Variants in HTR7 observed in about 807,000 individuals in gnomAD.
The protein encoded by HTR7 is 5-hydroxytryptamine receptor 7, also known as 5-HT-7.
A neutral mutation model predicts 34.0 loss-of-function variants in HTR7; 16 were observed. The observed-to-expected ratio is 0.47, with a 90% confidence interval of 0.32 to 0.71. The LOEUF is 0.71. Among genes scored for constraint, HTR7 ranks in the 30% least tolerant of loss-of-function variants. The pLI is 0.04. For synonymous variants in HTR7, 265 were observed against 260.2 expected (o/e 1.02, Z -0.18); for missense variants, 504 against 625.5 (o/e 0.81, Z 2.07).
chr10:90,759,460 C>A (rs1473763353), intron 1 of HTR7, among the ~76,000 whole-genome samples: 2 of 149,806 alleles, frequency 1.3e-5, no homozygotes, highest in African/African-American at 4.9e-5. Context: ...TCGAGACCAT[C>A]CTGGCTAACA....
At chr10:90,839,974 T>C (rs1385729829) in intron 1 of HTR7, among the ~76,000 whole-genome samples, 1 of 151,904 alleles carries the variant, frequency 6.6e-6, no homozygotes, top group Non-Finnish European at 1.5e-5. Flanking sequence ...CTAGATAACA[T>C]GTTAAGGATG....
chr10:90,794,719 T>C (rs118001098), intron 1 of HTR7, among the ~76,000 whole-genome samples: 1,703 of 152,192 alleles, frequency 0.011, 16 homozygotes, highest in Non-Finnish European at 0.016. Context: ...CCTAAGCTGA[T>C]CTCAAACTCC....
intron 1 of HTR7, among the ~76,000 whole-genome samples, chr10:90,823,818 C>G (rs1846025488): frequency 1.3e-5 from 2 of 152,092 alleles, no homozygotes; most frequent in South Asian, 4.1e-4. Context: ...CTCATGAGAT[C>G]CAGTTGTTTG....
chr10:90,817,451 T>A (rs1385501244), intron 1 of HTR7, among the ~76,000 whole-genome samples: 1 of 152,232 alleles, frequency 6.6e-6, no homozygotes, highest in Non-Finnish European at 1.5e-5. Flanking sequence ...CACCCTTCCC[T>A]GAGACATATG....
chr10:90,809,616 A>T (rs1845768894), intron 1 of HTR7, among the ~76,000 whole-genome samples: 2 of 151,996 alleles, frequency 1.3e-5, no homozygotes, highest in South Asian at 2.1e-4. Flanking sequence ...CCCAGCCACA[A>T]CTCCAGCACA....
At chr10:90,846,141 T>C (rs1380791340) in intron 1 of HTR7, among the ~76,000 whole-genome samples, 3 of 152,238 alleles carry the variant, frequency 2.0e-5, no homozygotes, top group Admixed American at 6.5e-5. Flanking sequence ...TAAAATATCT[T>C]GAGGATGGGA....
chr10:90,770,465 G>C (rs1211409818), intron 1 of HTR7, among the ~76,000 whole-genome samples: 6 of 152,136 alleles, frequency 3.9e-5, no homozygotes, highest in African/African-American at 1.4e-4. Context: ...ACAGGACCTG[G>C]GGTCTCTGAC....
intron 1 of HTR7, among the ~76,000 whole-genome samples, chr10:90,816,366 C>A (rs1845899120): frequency 6.6e-6 from 1 of 152,136 alleles, no homozygotes; most frequent in African/African-American, 2.4e-5. Flanking sequence ...ATAAATTGGC[C>A]ATACTATCAT....
At chr10:90,818,038 A>G (rs1845923287) in intron 1 of HTR7, among the ~76,000 whole-genome samples, 1 of 152,236 alleles carries the variant, frequency 6.6e-6, no homozygotes, top group African/African-American at 2.4e-5. Flanking sequence ...GCCTGGAACT[A>G]GAGGACAGAA....
rs564127793 is a variant in HTR7, at chr10:90,767,089, G to A, written c.540-17495C>T. ...ACAAGCTGTGCTCAGCAATTGGGAA[G>A]AGCCTTAGGCTGGACTCCATGGCCA... On this transcript the variant is annotated intron_variant, in intron 1 of 3. Coordinates refer to ENST00000336152, the MANE Select transcript of HTR7 (RefSeq NM_019859.4). Among the ~76,000 whole-genome samples, 151 of 152,266 alleles carry A rather than the reference G, an allele frequency of 9.9e-4. 1 individual carries two copies. Among genetic ancestry groups the A allele is most frequent in the African/African-American group, 3.4e-3 (140 of 41,552 alleles).
intron 1 of HTR7, among the ~76,000 whole-genome samples, chr10:90,836,444 G>C (rs570756546): frequency 6.6e-6 from 1 of 152,126 alleles, no homozygotes; most frequent in Admixed American, 6.5e-5. Context: ...TAACAATGCT[G>C]CCTGTCAGTG....
chr10:90,843,567 C>T (rs1189720121), intron 1 of HTR7, among the ~76,000 whole-genome samples: 4 of 151,974 alleles, frequency 2.6e-5, no homozygotes, highest in Non-Finnish European at 5.9e-5. Flanking sequence ...TGTGTGAAGA[C>T]CCAGTGTCAA....
At chr10:90,752,633 C>A (rs936555436) in intron 1 of HTR7, among the ~76,000 whole-genome samples, 1 of 151,274 alleles carries the variant, frequency 6.6e-6, no homozygotes, top group Non-Finnish European at 1.5e-5. Flanking sequence ...AGTATAAAGC[C>A]ACAGAAATAA....
At chr10:90,787,265 G>A (rs970855214) in intron 1 of HTR7, among the ~76,000 whole-genome samples, 29 of 152,268 alleles carry the variant, frequency 1.9e-4, no homozygotes, top group Middle Eastern at 3.4e-3. Flanking sequence ...CAAGGTGGGT[G>A]GATCACAAGG....
intron 1 of HTR7, among the ~76,000 whole-genome samples, chr10:90,817,431 A>G (rs1346497878): frequency 6.6e-6 from 1 of 152,224 alleles, no homozygotes; most frequent in Admixed American, 6.5e-5. Context: ...GATGAGATTA[A>G]TCATTCCTTC....
At chr10:90,750,975 T>G (rs1451029315) in intron 1 of HTR7, among the ~76,000 whole-genome samples, 2 of 152,170 alleles carry the variant, frequency 1.3e-5, no homozygotes, top group Non-Finnish European at 2.9e-5. Context: ...AAATCCTGCG[T>G]GCAGGCAAAT....
intron 1 of HTR7, among the ~76,000 whole-genome samples, chr10:90,760,749 T>C (rs1295163635): frequency 1.3e-5 from 2 of 152,028 alleles, no homozygotes; most frequent in Admixed American, 1.3e-4. Context: ...GGCGTGGTGG[T>C]GGGCATCTGT....
intron 1 of HTR7, among the ~76,000 whole-genome samples, chr10:90,761,623 TGTGTGTATGC>T (rs1211846667): frequency 7.9e-6 from 1 of 127,162 alleles, no homozygotes; most frequent in Non-Finnish European, 1.6e-5. Flanking sequence ...GTTACCATTT[TGTGTGTATGC>T]GTGTGTGTGT....
chr10:90,804,525 C>T (rs2119936782), intron 1 of HTR7, among the ~76,000 whole-genome samples: 1 of 152,308 alleles, frequency 6.6e-6, no homozygotes, highest in South Asian at 2.1e-4. Flanking sequence ...TGCACCTGCT[C>T]ACCTGCATGC....
Sources: gnomAD v4.1 joint callset for allele counts (sites outside exome capture counted in the v4.1 genomes callset) on GRCh38, gnomAD v4.1.1 for gene constraint, MANE v1.5 for transcripts, NCBI Gene and HGNC (gene_info 2026-07-23, HGNC 2026-07-21) for gene names.